FAR2: variants seen among roughly 807,000 people sequenced by gnomAD.
FAR2 encodes epididymis secretory protein Li 81.
A neutral mutation model predicts 56.0 loss-of-function variants in FAR2; 19 were observed. The ratio of observed to expected loss-of-function variants is 0.34; its 90% CI spans 0.24 to 0.50. FAR2 has a LOEUF of 0.50. Ranked by LOEUF, FAR2 falls within the 20% of genes least tolerant of loss-of-function variation. FAR2 has a pLI of 0.98. For missense variants in FAR2, 508 were observed against 642.2 expected, an observed-to-expected ratio of 0.79 and a Z score of 2.26; for synonymous variants, 219 against 218.8, an observed-to-expected ratio of 1.00 and a Z score of -0.01.
chr12:29,331,158 A>T (rs1355183713), intron 10 of FAR2, among the ~76,000 whole-genome samples: 1 of 151,574 alleles, frequency 6.6e-6, no homozygotes, highest in Non-Finnish European at 1.5e-5. Flanking sequence ...GTAAGTTAAG[A>T]GTAACGAGCA....
At chr12:29,307,276 A>G (rs1267141192) in intron 4 of FAR2, among the ~76,000 whole-genome samples, 1 of 152,230 alleles carries the variant, frequency 6.6e-6, no homozygotes, top group Non-Finnish European at 1.5e-5. Flanking sequence ...ACAATAAAGT[A>G]GTAATCAGTA....
At chr12:29,266,690 G>A (rs1948522417) in intron 1 of FAR2, among the ~76,000 whole-genome samples, 1 of 152,098 alleles carries the variant, frequency 6.6e-6, no homozygotes. Flanking sequence ...TGCTTGAGGT[G>A]ATGGGTACTC....
At chr12:29,292,554 G>T (rs145244665) in intron 2 of FAR2, among the ~76,000 whole-genome samples, 1 of 152,160 alleles carries the variant, frequency 6.6e-6, no homozygotes, top group Admixed American at 6.5e-5. Flanking sequence ...TAGAAAAACT[G>T]TTAAAGATCT....
chr12:29,224,078 G>A (rs1216410215), intron 1 of FAR2, among the ~76,000 whole-genome samples: 1 of 152,198 alleles, frequency 6.6e-6, no homozygotes, highest in Non-Finnish European at 1.5e-5. Flanking sequence ...AATTTTCTGT[G>A]AAGCAGAATC....
At chr12:29,307,185 G>A (rs1949265937) in intron 4 of FAR2, among the ~76,000 whole-genome samples, 1 of 152,134 alleles carries the variant, frequency 6.6e-6, no homozygotes, top group Non-Finnish European at 1.5e-5. Context: ...TGTTCAATGA[G>A]TGTACTTATG....
chr12:29,251,025 A>C (rs1948200611), intron 1 of FAR2, among the ~76,000 whole-genome samples: 1 of 152,248 alleles, frequency 6.6e-6, no homozygotes, highest in East Asian at 1.9e-4. Context: ...CAGCAGAGTC[A>C]AAACAGCAAT....
At chr12:29,192,672 C>T (rs1950112370) in intron 1 of FAR2, among the ~76,000 whole-genome samples, 1 of 152,090 alleles carries the variant, frequency 6.6e-6, no homozygotes, top group African/African-American at 2.4e-5. Context: ...AAACATATGA[C>T]AAGTGATATT....
At chr12:29,180,672 C>T (rs2136596798) in intron 1 of FAR2, among the ~76,000 whole-genome samples, 1 of 152,196 alleles carries the variant, frequency 6.6e-6, no homozygotes, top group African/African-American at 2.4e-5. Context: ...AATCTTTTCT[C>T]TTTTCAAATT....
chr12:29,247,220 G>T (rs1221352329), intron 1 of FAR2, among the ~76,000 whole-genome samples: 1 of 152,096 alleles, frequency 6.6e-6, no homozygotes, highest in Non-Finnish European at 1.5e-5. Flanking sequence ...CTTTCCACAT[G>T]GTTCAAGAAA....
chr12:29,230,468 A>G (rs1267988778), intron 1 of FAR2, among the ~76,000 whole-genome samples: 2 of 152,042 alleles, frequency 1.3e-5, no homozygotes, highest in African/African-American at 4.8e-5. Flanking sequence ...CAGAGAGGTC[A>G]TGGGGCCACA....
chr12:29,312,300 C>T (rs1055157266), intron 8 of FAR2, among the ~76,000 whole-genome samples: 1 of 152,126 alleles, frequency 6.6e-6, no homozygotes, highest in Non-Finnish European at 1.5e-5. Flanking sequence ...TACACACACC[C>T]CTTCCCTTCT....
chr12:29,208,869 A>T (rs1947507835), intron 1 of FAR2, among the ~76,000 whole-genome samples: 1 of 152,170 alleles, frequency 6.6e-6, no homozygotes, highest in South Asian at 2.1e-4. Flanking sequence ...TGCGGGGAAA[A>T]TGAGCAAAAT....
chr12:29,231,534 G>A (rs544865864), intron 1 of FAR2, among the ~76,000 whole-genome samples: 8 of 152,284 alleles, frequency 5.3e-5, no homozygotes, highest in African/African-American at 1.9e-4. Flanking sequence ...TAAGGTCAAG[G>A]CAGGAGACAT....
intron 10 of FAR2, among the ~76,000 whole-genome samples, chr12:29,324,056 A>G (rs890293887): frequency 1.3e-5 from 2 of 152,236 alleles, no homozygotes; most frequent in Non-Finnish European, 1.5e-5. Context: ...TCCTTAAAGG[A>G]GCTGATGGAG....
intron 1 of FAR2, among the ~76,000 whole-genome samples, chr12:29,208,718 T>G (rs1947505961): frequency 6.6e-6 from 1 of 152,032 alleles, no homozygotes; most frequent in South Asian, 2.1e-4. Flanking sequence ...TATGAGCTAA[T>G]TAGAGAGTAA....
intron 7 of FAR2, among the ~76,000 whole-genome samples, chr12:29,311,385 A>G (rs1327508416): frequency 2.6e-5 from 4 of 152,172 alleles, no homozygotes; most frequent in African/African-American, 9.6e-5. Flanking sequence ...TAACCATAAA[A>G]TTCTTGATAA....
At chr12:29,317,138 G>C in intron 9 of FAR2, 126 bp downstream of exon 9, 4 of 993,006 alleles carry the variant, frequency 4.0e-6, no homozygotes, top group Non-Finnish European at 5.6e-6. Flanking sequence ...TATACAGATT[G>C]AACACACCTA....
chr12:29,204,669 G>T (rs1223161633), intron 1 of FAR2, among the ~76,000 whole-genome samples: 1 of 152,080 alleles, frequency 6.6e-6, no homozygotes, highest in African/African-American at 2.4e-5. Flanking sequence ...TGCAGGATGT[G>T]CAGGAAGCAT....
At chr12:29,272,667 A>T (rs553851225) in intron 2 of FAR2, among the ~76,000 whole-genome samples, 1 of 152,298 alleles carries the variant, frequency 6.6e-6, no homozygotes, top group East Asian at 1.9e-4. Flanking sequence ...CCAGTTCTGC[A>T]TCCTTGATGG....
Sources: allele counts gnomAD v4.1 joint callset (sites outside exome capture counted in the v4.1 genomes callset), GRCh38; gene constraint gnomAD v4.1.1; transcripts MANE v1.5; gene names NCBI Gene and HGNC (gene_info 2026-07-23, HGNC 2026-07-21).